The following RGS7 variants were observed in gnomAD, a reference collection of about 807,000 sequenced individuals.
RGS7 encodes the protein regulator of G-protein signaling 7.
In RGS7, 27 loss-of-function variants were observed where a neutral mutation model predicts 81.1. The observed-to-expected ratio is 0.33, with a 90% confidence interval of 0.25 to 0.46. The LOEUF (loss-of-function observed/expected upper bound fraction) is 0.46. Ranked by LOEUF, RGS7 falls within the 20% of genes least tolerant of loss-of-function variation. The pLI, the probability that RGS7 is intolerant of heterozygous loss-of-function variation, is 1.00. For missense variants in RGS7, 396 were observed against 607.4 expected (o/e 0.65, Z 3.66); for synonymous variants, 208 against 207.7 (o/e 1.00, Z -0.01).
At chr1:241,093,816 C>T (rs978859061) in intron 3 of RGS7, among the ~76,000 whole-genome samples, 6 of 151,836 alleles carry the variant, frequency 4.0e-5, no homozygotes, top group African/African-American at 1.5e-4. Context: ...CCTTTTATAA[C>T]ATTTTTCATG....
At chr1:240,817,580 T>G (rs569287158) in intron 10 of RGS7, among the ~76,000 whole-genome samples, 1 of 152,238 alleles carries the variant, frequency 6.6e-6, no homozygotes, top group Admixed American at 6.5e-5. Flanking sequence ...GGTTTTGCCC[T>G]TGTGTCTCCC....
intron 9 of RGS7, among the ~76,000 whole-genome samples, chr1:240,839,223 G>C (rs544803013): frequency 6.6e-6 from 1 of 152,236 alleles, no homozygotes; most frequent in African/African-American, 2.4e-5. Context: ...TGACTCCAGC[G>C]CATCTCATTA....
At chr1:240,963,793 G>A (rs1043848744) in intron 4 of RGS7, among the ~76,000 whole-genome samples, 3 of 152,210 alleles carry the variant, frequency 2.0e-5, no homozygotes, top group Non-Finnish European at 2.9e-5. Flanking sequence ...ATTATGATGG[G>A]AGAGAACTGT....
At chr1:240,917,646 G>C (rs1330327450) in intron 6 of RGS7, among the ~76,000 whole-genome samples, 1 of 152,064 alleles carries the variant, frequency 6.6e-6, no homozygotes, top group Non-Finnish European at 1.5e-5. Flanking sequence ...AGGGAAAACA[G>C]AATTATATAA....
At position 240,855,308 on chromosome 1, in the gene RGS7, C is replaced by CAAAAAAAAA. The variant is rs758331434; in HGVS notation, c.609+13270_609+13278dup. The stretch of plus-strand genomic sequence containing the variant: ...TGGGCGACAGAGTGAGACCATGTCT[C>CAAAAAAAAA]AAAAAAAAAAAAAAAAAAAGGAGAA... On this transcript the variant is annotated intron_variant, in intron 9 of 18. Coordinates refer to ENST00000440928, the MANE Select transcript of RGS7 (RefSeq NM_001364886.1). 7.4e-3 allele frequency among the ~76,000 whole-genome samples: 111 copies of CAAAAAAAAA among 14,906 alleles called. 4 individuals carry two copies. The highest frequency in any genetic ancestry group is 0.02 in the African/African-American group (108 of 5,452). 9.8% of individuals were successfully genotyped at this position (14,906 alleles called of 152,430 possible).
At chr1:241,356,434 T>C (rs974683974) in intron 1 of RGS7, among the ~76,000 whole-genome samples, 2 of 152,116 alleles carry the variant, frequency 1.3e-5, no homozygotes, top group Non-Finnish European at 2.9e-5. Flanking sequence ...CTCTCCTTTC[T>C]CCCCACTTCG....
intron 18 of RGS7, among the ~76,000 whole-genome samples, chr1:240,778,477 A>G (rs1558234820): frequency 1.3e-5 from 2 of 152,216 alleles, no homozygotes; most frequent in Non-Finnish European, 2.9e-5. Context: ...AATTGGGAAA[A>G]AGGGTCCACA....
chr1:241,034,632 T>G (rs974218029), intron 3 of RGS7, among the ~76,000 whole-genome samples: 1 of 152,226 alleles, frequency 6.6e-6, no homozygotes, highest in African/African-American at 2.4e-5. Context: ...CACTTCTTGC[T>G]CTAAAAGTAT....
At chr1:241,356,649 G>A (rs904358371) in intron 1 of RGS7, among the ~76,000 whole-genome samples, 2 of 152,052 alleles carry the variant, frequency 1.3e-5, no homozygotes, top group Non-Finnish European at 2.9e-5. Context: ...TCGCTCTCAC[G>A]GCAGCAGCAA....
Position 241,017,635 on chromosome 1 carries a change from C to A in RGS7, c.176-34506G>T, listed in dbSNP as rs115771411. On this transcript the variant is annotated intron_variant, in intron 3 of 18. Transcript: ENST00000440928. ...AATACTTCAAAGATTTTTCTCCATT[C>A]TCTTCTTGATTGCATAGTTTCTGGT... Among the ~76,000 whole-genome samples, 717 of 152,080 alleles carry A rather than the reference C, an allele frequency of 4.7e-3. 7 individuals carry two copies. The highest frequency in any genetic ancestry group is 0.016 in the African/African-American group (672 of 41,502).
At chr1:241,110,071 G>A (rs1295000080) in intron 2 of RGS7, among the ~76,000 whole-genome samples, 4 of 151,964 alleles carry the variant, frequency 2.6e-5, no homozygotes, top group Admixed American at 1.3e-4. Context: ...GTTAAATATC[G>A]CCAACTGCTC....
chr1:241,326,805 G>A (rs1005239085), intron 2 of RGS7, among the ~76,000 whole-genome samples: 9 of 150,418 alleles, frequency 6.0e-5, no homozygotes, highest in Non-Finnish European at 1.0e-4. Flanking sequence ...AACTACTCAG[G>A]AGCCTGACGT....
chr1:241,083,296 A>G (rs901657300), intron 3 of RGS7, among the ~76,000 whole-genome samples: 2 of 148,972 alleles, frequency 1.3e-5, no homozygotes, highest in Non-Finnish European at 3.0e-5. Flanking sequence ...GACAAAAAAA[A>G]AGAAAAGAAA....
At chr1:241,176,783 A>T (rs1572996747) in intron 2 of RGS7, among the ~76,000 whole-genome samples, 1 of 152,080 alleles carries the variant, frequency 6.6e-6, no homozygotes, top group African/African-American at 2.4e-5. Flanking sequence ...GGAAAGATGG[A>T]CAAACAGAAG....
At chr1:241,226,269 C>G (rs1278462656) in intron 2 of RGS7, among the ~76,000 whole-genome samples, 1 of 152,154 alleles carries the variant, frequency 6.6e-6, no homozygotes, top group Non-Finnish European at 1.5e-5. Context: ...AAATGCTTTT[C>G]CAAAATGTGC....
At chr1:240,845,530 G>A (rs1658917413) in intron 9 of RGS7, among the ~76,000 whole-genome samples, 1 of 152,128 alleles carries the variant, frequency 6.6e-6, no homozygotes, top group Non-Finnish European at 1.5e-5. Flanking sequence ...GAAAATGCTA[G>A]GTTTTCAGTC....
intron 3 of RGS7, among the ~76,000 whole-genome samples, chr1:241,006,615 T>C (rs1364170400): frequency 6.6e-6 from 1 of 152,242 alleles, no homozygotes; most frequent in African/African-American, 2.4e-5. Context: ...GAGACTTCTC[T>C]GAACACTTGG....
Position 240,983,138 on chromosome 1 carries a change from A to C in RGS7, c.176-9T>G. ...TTGAACAATGTCTGAACCTAGAAAA[A>C]GAAAAAAGAAAAACACAAACAGATG... On this transcript the variant is annotated splice_polypyrimidine_tract_variant and intron_variant, in intron 3 of 18. Transcript: ENST00000440928. 3.5e-6 allele frequency: 5 copies of C among 1,437,246 alleles called. No homozygotes were observed. Among genetic ancestry groups the C allele is most frequent in the Non-Finnish European group, 4.8e-6 (5 of 1,036,596 alleles). 89.0% of individuals were successfully genotyped at this position (1,437,246 alleles called of 1,614,324 possible).
chr1:241,031,569 A>G (rs1363100263), intron 3 of RGS7, among the ~76,000 whole-genome samples: 7 of 152,170 alleles, frequency 4.6e-5, no homozygotes, highest in African/African-American at 1.7e-4. Flanking sequence ...TTTCCATAGA[A>G]GTACTAATTT....
Sources: allele counts gnomAD v4.1 joint callset (sites outside exome capture counted in the v4.1 genomes callset), GRCh38; gene constraint gnomAD v4.1.1; transcripts MANE v1.5; gene names NCBI Gene and HGNC (gene_info 2026-07-23, HGNC 2026-07-21).